DOCK9: variants seen among roughly 807,000 people sequenced by gnomAD.
The protein encoded by DOCK9 is dedicator of cytokinesis protein 9.
In DOCK9, 89 loss-of-function variants were observed where a neutral mutation model predicts 263.3. The ratio of observed to expected loss-of-function variants is 0.34; its 90% CI spans 0.28 to 0.40. DOCK9 has a LOEUF of 0.40. Ranked by LOEUF, DOCK9 falls within the 10% of genes least tolerant of loss-of-function variation. DOCK9 has a pLI of 1.00. For synonymous variants in DOCK9, 976 were observed against 973.1 expected (o/e 1.00, Z -0.06); for missense variants, 2,140 against 2,603.4 (o/e 0.82, Z 3.87).
chr13:98,825,850 C>G lies in DOCK9; in HGVS notation c.5023+980G>C. The G allele has an allele frequency of 6.7e-7, 1 of 1,490,912 alleles. No homozygotes were observed. The highest frequency in any genetic ancestry group is 9.0e-7 in the Non-Finnish European group (1 of 1,116,012). 92.4% of individuals were successfully genotyped at this position (1,490,912 alleles called of 1,614,324 possible). ...GACCAGGGCAGGGGGTCCCCGGGGGCTGGGCTGATCCTCAGGCTCACCTCC... is the reference window on the plus strand; with the variant it reads ...GACCAGGGCAGGGGGTCCCCGGGGGGTGGGCTGATCCTCAGGCTCACCTCC... On this transcript the variant is annotated intron_variant, in intron 44 of 52. Transcript: ENST00000682017. The surrounding 1 kb of genome is among the most constrained non-coding windows in gnomAD (Gnocchi z 4.1).
rs146606405 is a variant in DOCK9 at position 98,918,484 on chromosome 13, C to T, written c.717+2470G>A. Among the ~76,000 whole-genome samples, 814 of 151,956 alleles carry T rather than the reference C, an allele frequency of 5.4e-3. 5 individuals are homozygous for T. Among genetic ancestry groups the T allele is most frequent in the Middle Eastern group, 0.034 (10 of 294 alleles). On this transcript the variant is annotated intron_variant, in intron 7 of 52. Transcript: ENST00000682017. ...TGTTATAACTTAACAAAAAAGCTTA[C>T]CAAAGCATAAAATAAAAATCAAGAC...
Position 99,048,838 on chromosome 13 carries a change from A to G in DOCK9, c.129+37385T>C, listed in dbSNP as rs78083664. Among the ~76,000 whole-genome samples the G allele has an allele frequency of 8.5e-4, 130 of 152,322 alleles. 1 individual carries two copies. The East Asian group carries it at 0.023, about 27-fold the overall frequency. ...GGACTTCCCACTTTGTTAGGTAAAG[A>G]CTTCACACCAAAAAGCGAAATTCAA... is the stretch of plus-strand genomic sequence containing the variant. On this transcript the variant is annotated intron_variant, in intron 1 of 32. Coordinates refer to the DOCK9 transcript ENST00000427887.
intron 2 of DOCK9, among the ~76,000 whole-genome samples, chr13:98,942,095 T>A (rs1315104606): frequency 6.6e-6 from 1 of 152,164 alleles, no homozygotes; most frequent in Non-Finnish European, 1.5e-5. Flanking sequence ...TGTCACTACC[T>A]CTAGTGTCTA....
chr13:98,914,426 C>G, intron 8 of DOCK9, 31 bp from the exon 9 acceptor site: 1 of 1,580,110 alleles, frequency 6.3e-7, no homozygotes, highest in Non-Finnish European at 8.6e-7. Context: ...ATCGGAATCA[C>G]TTGTAATTCA....
At chr13:98,824,808 A>G (rs1018256333) in intron 44 of DOCK9, among the ~76,000 whole-genome samples, 9 of 150,194 alleles carry the variant, frequency 6.0e-5, no homozygotes, top group African/African-American at 2.2e-4. Context: ...AAGTAATAGT[A>G]AAATAACAAT....
chr13:98,883,188 A>T (rs1465312114), intron 22 of DOCK9, 57 bp from the exon 23 acceptor site: 126 of 1,395,242 alleles, frequency 9.0e-5, no homozygotes, highest in Non-Finnish European at 3.4e-5. Context: ...ACGCTGTGGA[A>T]ATAGAAGCAT....
intron 45 of DOCK9, among the ~76,000 whole-genome samples, chr13:98,822,245 G>A (rs892457403): frequency 1.3e-5 from 2 of 152,140 alleles, no homozygotes; most frequent in Non-Finnish European, 2.9e-5. Context: ...CTTGTCACAG[G>A]CTTAGTTATT....
intron 45 of DOCK9, among the ~76,000 whole-genome samples, chr13:98,813,039 G>A (rs2091467190): frequency 6.6e-6 from 1 of 152,174 alleles, no homozygotes. Context: ...AAGTAATCAT[G>A]AACTATACAG....
At chr13:98,811,587 T>C (rs1207762029) in intron 45 of DOCK9, among the ~76,000 whole-genome samples, 2 of 152,192 alleles carry the variant, frequency 1.3e-5, no homozygotes, top group African/African-American at 4.8e-5. Context: ...ATTTTTTGTA[T>C]TTTTAGTAGA....
intron 1 of DOCK9, among the ~76,000 whole-genome samples, chr13:98,964,658 G>A (rs769190493): frequency 2.3e-4 from 35 of 152,218 alleles, no homozygotes; most frequent in Admixed American, 6.5e-5. Flanking sequence ...TGAGCATGGT[G>A]AGTTCTGGAA....
At chr13:99,086,938 C>T (rs1354713214), upstream of DOCK9, among the ~76,000 whole-genome samples, 1 of 152,066 alleles carries the variant, frequency 6.6e-6, no homozygotes, top group Non-Finnish European at 1.5e-5. Flanking sequence ...GGCGCACAGC[C>T]GAGGCTGGAC....
chr13:99,033,334 A>G (rs529650227), intron 1 of DOCK9, among the ~76,000 whole-genome samples: 23 of 152,366 alleles, frequency 1.5e-4, no homozygotes, highest in African/African-American at 5.0e-4. Flanking sequence ...AACCAGGACC[A>G]ATAAGTAAAA....
Position 98,845,776 on chromosome 13 carries a change from G to A in DOCK9, c.4198+148C>T, listed in dbSNP as rs139019476. The stretch of plus-strand genomic sequence containing the variant: ...ATGCTGAGGACGCTCCTCCAAGGAA[G>A]GGAACTGTGCCATGAGCTCTTCATC... On this transcript the variant is annotated intron_variant, in intron 38 of 52. Coordinates refer to ENST00000682017, the MANE Select transcript of DOCK9 (RefSeq NM_001366683.2). 39 of 1,056,616 alleles carry A rather than the reference G, an allele frequency of 3.7e-5. No individual in the cohort carries two copies. In the East Asian group the frequency reaches 9.4e-4, roughly 26 times the overall value. The allele number at this position is 1,056,616 out of a possible 1,614,324, so 65.5% of individuals were successfully genotyped here. A position where few individuals can be genotyped will look rare whatever the true frequency, so the allele number is the denominator to read the frequency against.
intron 7 of DOCK9, among the ~76,000 whole-genome samples, 174 bp downstream of exon 7, chr13:98,920,780 T>C (rs1474776312): frequency 1.3e-5 from 2 of 152,228 alleles, no homozygotes; most frequent in South Asian, 2.1e-4. Context: ...CTCTACATTA[T>C]CCCTTCCATC....
At chr13:98,832,765 G>A (rs772067574) in intron 39 of DOCK9, among the ~76,000 whole-genome samples, 3 of 152,186 alleles carry the variant, frequency 2.0e-5, no homozygotes, top group Non-Finnish European at 4.4e-5. Flanking sequence ...GGAACGATAG[G>A]TGTGTGCATT....
intron 1 of DOCK9, among the ~76,000 whole-genome samples, chr13:98,960,248 G>C (rs1445489640): frequency 6.6e-6 from 1 of 152,112 alleles, no homozygotes; most frequent in Non-Finnish European, 1.5e-5. Context: ...GTTGTTGGTG[G>C]AGCTGCTCCG....
rs1280679105 is a variant in DOCK9 at position 98,920,964 on chromosome 13, C to G, written c.707G>C (p.Gly236Ala). 1 of 1,606,540 alleles carries G rather than the reference C, an allele frequency of 6.2e-7. No individual in the cohort carries two copies. The highest frequency in any genetic ancestry group is 8.5e-7 in the Non-Finnish European group (1 of 1,176,482). ...KGSIFLDSCM[G>A]VVQNNKVRRF... ...TCTTTTCATATTTACCTGAACGACA[C>G]CCATACAGGAATCCAGAAATATTGA... Residue 236 changes from glycine (G) to alanine (A), a missense_variant, in exon 7 of 53, where the codon GGT becomes GCT. Gly to Ala is a moderately conservative substitution (Grantham distance 60). Transcript: ENST00000682017.
chr13:98,826,406 C>G (rs1184081779), intron 44 of DOCK9, among the ~76,000 whole-genome samples: 1 of 152,212 alleles, frequency 6.6e-6, no homozygotes, highest in Non-Finnish European at 1.5e-5. Flanking sequence ...AGGTTTCCAT[C>G]AGAAAGGCTG....
intron 25 of DOCK9, among the ~76,000 whole-genome samples, 163 bp downstream of exon 25, chr13:98,881,395 G>A (rs9584961): frequency 0.12 from 18,669 of 152,188 alleles, 1,241 homozygotes; most frequent in South Asian, 0.2. Flanking sequence ...GTCCCTCTTC[G>A]TACCTCCCCT....
Sources: allele counts gnomAD v4.1 joint callset (sites outside exome capture counted in the v4.1 genomes callset), GRCh38; gene constraint gnomAD v4.1.1; non-coding constraint Gnocchi (gnomAD v3.1); transcripts MANE v1.5; gene names NCBI Gene and HGNC (gene_info 2026-07-23, HGNC 2026-07-21).